The following KIF23 variants were observed in gnomAD, a reference collection of about 807,000 sequenced individuals.
KIF23 encodes the protein kinesin-like protein KIF23.
In KIF23, 30 loss-of-function variants were observed where a neutral mutation model predicts 137.5. That is an observed-to-expected ratio of 0.22 (90% CI 0.16 to 0.30). KIF23 has a LOEUF of 0.30. Ranked by LOEUF, KIF23 falls within the 10% of genes least tolerant of loss-of-function variation. KIF23 has a pLI of 1.00. For synonymous variants in KIF23, 367 were observed against 391.1 expected (o/e 0.94, Z 0.73); for missense variants, 920 against 1,194.3 (o/e 0.77, Z 3.38).
intron 16 of KIF23, 110 bp from the exon 17 acceptor site, chr15:69,439,791 CATG>C (rs1471896988): frequency 2.8e-6 from 2 of 716,162 alleles, no homozygotes; most frequent in Non-Finnish European, 4.2e-6. Context: ...GTGCTTTCTC[CATG>C]ATGTTTCTTT....
At position 69,414,469 on chromosome 15, in the gene KIF23, A is replaced by G. The variant is rs1429985938; in HGVS notation, c.4A>G (p.Lys2Glu). ...GGGCGGCGTGGAGCCTGCTGCCATG[A>G]AGTCAGCGTGAGTACGAGGCCGCCG... is the stretch of plus-strand genomic sequence containing the variant. M[K>E]SARAKTPRKP... Residue 2 changes from lysine (K) to glutamate (E), a missense_variant, in exon 1 of 24, where the codon AAG (lysine) becomes GAG (glutamate). This residue lies in a region of KIF23 where 124 missense variants were observed against 122.0 expected (regional missense o/e 1.02). Coordinates refer to ENST00000679126, the MANE Select transcript of KIF23 (RefSeq NM_001367805.3). The G allele has an allele frequency of 1.3e-6, 2 of 1,588,766 alleles. No individual in the cohort carries two copies. The highest frequency in any genetic ancestry group is 1.3e-5 in the African/African-American group (1 of 74,264).
chr15:69,442,701 C>G (rs2057649783), intron 19 of KIF23, among the ~76,000 whole-genome samples: 1 of 152,176 alleles, frequency 6.6e-6, no homozygotes, highest in Admixed American at 6.5e-5. Flanking sequence ...AGTTTATAGG[C>G]TGAAAACTAT....
At chr15:69,434,349 A>G (rs2057421711) in intron 11 of KIF23, 1 of 226,984 alleles carries the variant, frequency 4.4e-6, no homozygotes, top group Admixed American at 5.0e-5. Context: ...GTTGAGCCAC[A>G]GCAATCTAAT....
chr15:69,414,609 G>A, intron 1 of KIF23, 133 bp downstream of exon 1: 2 of 1,032,646 alleles, frequency 1.9e-6, no homozygotes, highest in African/African-American at 3.4e-5. Flanking sequence ...GTGCTGCTGC[G>A]GCCGCGACCC....
chr15:69,435,750 T>C lies in KIF23; in HGVS notation c.1293T>C (p.Ala431=), dbSNP rs931261127. 5 of 1,613,786 alleles carry C rather than the reference T, an allele frequency of 3.1e-6. No individual in the cohort carries two copies. In the African/African-American group the frequency reaches 6.7e-5, roughly 22 times the overall value. Residue 431 remains alanine (A), a synonymous_variant, in exon 13 of 24, where the codon GCT becomes GCC. Coordinates refer to ENST00000679126, the MANE Select transcript of KIF23 (RefSeq NM_001367805.3). ...TGATCGTGTGTGTGAACCCCAAGGCTGAAGATTATGAAGAAAACTTGGTAA... is the reference window on the plus strand; with the variant it reads ...TGATCGTGTGTGTGAACCCCAAGGCCGAAGATTATGAAGAAAACTTGGTAA... ...VRMIVCVNPK[A]EDYEENLQVM...
chr15:69,446,570 T>G (rs899807270), intron 22 of KIF23: 4 of 621,958 alleles, frequency 6.4e-6, no homozygotes, highest in Non-Finnish European at 1.1e-5. Flanking sequence ...GAGAATCTCT[T>G]GGAAAGAACA....
In KIF23 at chr15:69,446,265, A is replaced by G. The variant is rs76725692; in HGVS notation, c.2757-18A>G. 3,761 of 1,609,446 alleles carry G rather than the reference A, an allele frequency of 2.3e-3. 50 individuals are homozygous for G. In the African/African-American group the frequency reaches 0.035, roughly 15 times the overall value. On this transcript the variant is annotated intron_variant, in intron 21 of 23. Transcript: ENST00000679126. The stretch of plus-strand genomic sequence containing the variant: ...TAGATGGAAAAATAATTGTTGCATC[A>G]TGTTTCCCCTTTTTCAGTAGTCGAA...
chr15:69,427,006 C>T lies in KIF23; in HGVS notation c.1011+549C>T, dbSNP rs118076087. On this transcript the variant is annotated intron_variant, in intron 10 of 23. Coordinates refer to ENST00000679126, the MANE Select transcript of KIF23 (RefSeq NM_001367805.3). ...TTAAAATATACAGGAGGGCTGGGTG[C>T]GTGCGTGGCTCATGCCTGTAATCCC... is the stretch of plus-strand genomic sequence containing the variant. Among the ~76,000 whole-genome samples the T allele has an allele frequency of 4.2e-4, 64 of 151,856 alleles. No homozygotes were observed. The East Asian group carries it at 9.2e-3, about 22-fold the overall frequency.
rs1405044605 is a variant in KIF23, at chr15:69,444,670, T to C, written c.2422-120T>C. 5.1e-6 allele frequency: 5 copies of C among 979,028 alleles called. No individual in the cohort carries two copies. The highest frequency in any genetic ancestry group is 7.4e-6 in the Non-Finnish European group (5 of 679,064). 60.6% of individuals were successfully genotyped at this position (979,028 alleles called of 1,614,324 possible). ...ATGCAAAGATCATGTTTAAATTACTTGAATAAAATATTTAGCTTTGGAAAG... is the reference window on the plus strand; with the variant it reads ...ATGCAAAGATCATGTTTAAATTACTCGAATAAAATATTTAGCTTTGGAAAG... On this transcript the variant is annotated intron_variant, in intron 19 of 23. Coordinates refer to ENST00000679126, the MANE Select transcript of KIF23 (RefSeq NM_001367805.3). The surrounding 1 kb of genome is among the most constrained non-coding windows in gnomAD (Gnocchi z 4.2).
At chr15:69,414,559 CCGCGGCCGTA>C (rs1468463084) in intron 1 of KIF23, 83 bp downstream of exon 1, 1 of 1,286,814 alleles carries the variant, frequency 7.8e-7, no homozygotes, top group Non-Finnish European at 9.9e-7. Flanking sequence ...TCCACTCAGG[CCGCGGCCGTA>C]CGCGGGCAGC....
chr15:69,439,143 C>T (rs1441904561), intron 16 of KIF23, among the ~76,000 whole-genome samples: 1 of 151,836 alleles, frequency 6.6e-6, no homozygotes, highest in Non-Finnish European at 1.5e-5. Context: ...TAATCCTCAT[C>T]CCATGCTAAG....
Position 69,444,695 on chromosome 15 carries a change from G to T in KIF23, c.2422-95G>T. On this transcript the variant is annotated intron_variant, in intron 19 of 23. Transcript: ENST00000679126. This position sits in a 1 kb window ranked among gnomAD's most constrained non-coding sequence, Gnocchi z 4.2. Reference sequence around the variant, plus strand: ...TGAATAAAATATTTAGCTTTGGAAAGGTTTGCTATGATACTGTCATCAACT... The same window carrying T: ...TGAATAAAATATTTAGCTTTGGAAATGTTTGCTATGATACTGTCATCAACT... 8.0e-7 allele frequency: 1 copy of T among 1,250,076 alleles called. No individual in the cohort carries two copies. Among genetic ancestry groups the T allele is most frequent in the Non-Finnish European group, 1.1e-6 (1 of 901,334 alleles). 77.4% of individuals were successfully genotyped at this position (1,250,076 alleles called of 1,614,324 possible). A position where few individuals can be genotyped will look rare whatever the true frequency, so the allele number is the denominator to read the frequency against.
chr15:69,434,708 G>A (rs1183219339), intron 11 of KIF23: 1 of 1,402,908 alleles, frequency 7.1e-7, no homozygotes, highest in Admixed American at 1.8e-5. Context: ...GCCTCAGATT[G>A]GGAGGATCAG....
intron 22 of KIF23, 74 bp downstream of exon 22, chr15:69,446,438 T>C (rs540122325): frequency 3.4e-6 from 4 of 1,165,768 alleles, no homozygotes; most frequent in Non-Finnish European, 5.1e-6. Context: ...CAGCTCTAGA[T>C]TTTTATGCTC....
At chr15:69,446,827 A>T in intron 22 of KIF23, 44 bp from the exon 23 acceptor site, 1 of 1,551,248 alleles carries the variant, frequency 6.4e-7, no homozygotes, top group Admixed American at 1.7e-5. Context: ...TTTATAGACT[A>T]TTGAGAGGAG....
intron 19 of KIF23, among the ~76,000 whole-genome samples, chr15:69,441,716 A>G (rs968172846): frequency 3.3e-5 from 5 of 152,052 alleles, no homozygotes; most frequent in African/African-American, 1.2e-4. Flanking sequence ...ATCAACATTA[A>G]TTAATTATCC....
chr15:69,416,897 T>G (rs1025672407), intron 2 of KIF23, among the ~76,000 whole-genome samples: 1 of 152,174 alleles, frequency 6.6e-6, no homozygotes, highest in Middle Eastern at 3.4e-3. Context: ...TGCAGTGAGC[T>G]GAGATCATGC....
At chr15:69,447,226 G>T (rs2057759918) in intron 23 of KIF23, among the ~76,000 whole-genome samples, 1 of 152,182 alleles carries the variant, frequency 6.6e-6, no homozygotes, top group South Asian at 2.1e-4. Context: ...GCTTTCTGAG[G>T]CTGAACTGAG....
intron 10 of KIF23, 64 bp downstream of exon 10, chr15:69,426,521 T>C: frequency 6.4e-7 from 1 of 1,563,132 alleles, no homozygotes; most frequent in Non-Finnish European, 8.7e-7. Flanking sequence ...GGAATTAGAG[T>C]AATCCAGCCA....
Sources: gnomAD v4.1 joint callset for allele counts (sites outside exome capture counted in the v4.1 genomes callset) on GRCh38, gnomAD v4.1.1 for gene constraint, gnomAD v4.1.1 regional missense constraint, Gnocchi (gnomAD v3.1) non-coding constraint, MANE v1.5 for transcripts, NCBI Gene and HGNC (gene_info 2026-07-23, HGNC 2026-07-21) for gene names.